ADGRV1: variants seen among roughly 807,000 people sequenced by gnomAD.
ADGRV1 encodes the protein G-protein coupled receptor 98.
ADGRV1 carries 359 observed loss-of-function variants against 596.2 expected under a neutral mutation model. That is an observed-to-expected ratio of 0.60 (90% confidence interval 0.55 to 0.66). The LOEUF (loss-of-function observed/expected upper bound fraction) is 0.66, where lower values mean the gene tolerates loss of function less well. Among genes scored for constraint, ADGRV1 ranks in the 30% least tolerant of loss-of-function variants. The pLI is 0.00. For synonymous variants in ADGRV1, 2,681 were observed against 2,679.2 expected, an observed-to-expected ratio of 1.00 and a Z score of -0.02; for missense variants, 7,274 against 7,575.6, an observed-to-expected ratio of 0.96 and a Z score of 1.48.
chr5:90,645,934 T>C (rs778461995), intron 15 of ADGRV1, 34 bp from the exon 16 acceptor site: 6 of 1,538,330 alleles, frequency 3.9e-6, no homozygotes, highest in African/African-American at 2.8e-5. Context: ...TATGTATAAG[T>C]CACCTGACTT....
In ADGRV1 at chr5:90,619,131, G is replaced by A. The variant is rs1475422859; in HGVS notation, c.403G>A (p.Val135Met). ...GCTTGGATGGCCAAGGACTGTTACTGTGACAATATTATCAAATGACAATGC... is the reference window on the plus strand; with the variant it reads ...GCTTGGATGGCCAAGGACTGTTACTATGACAATATTATCAAATGACAATGC... ...VKLGWPRTVT[V>M]TILSNDNAFG... Residue 135 changes from valine (V) to methionine (M), a missense_variant, in exon 4 of 90, where the codon GTG (valine) becomes ATG (methionine). Transcript: ENST00000405460. 6.6e-7 allele frequency: 1 copy of A among 1,509,958 alleles called. No homozygotes were observed. The highest frequency in any genetic ancestry group is 8.9e-7 in the Non-Finnish European group (1 of 1,125,474). The allele number at this position is 1,509,958 out of a possible 1,614,324, so 93.5% of individuals were successfully genotyped here. A position where few individuals can be genotyped will look rare whatever the true frequency, so the allele number is the denominator to read the frequency against.
chr5:90,974,683 T>G (rs966182499), intron 84 of ADGRV1, among the ~76,000 whole-genome samples: 2 of 152,154 alleles, frequency 1.3e-5, no homozygotes, highest in Admixed American at 1.3e-4. Flanking sequence ...TCCTTACACC[T>G]TATACAAAAA....
intron 85 of ADGRV1, among the ~76,000 whole-genome samples, chr5:91,051,840 T>A (rs551077695): frequency 3.7e-4 from 57 of 152,250 alleles, no homozygotes; most frequent in African/African-American, 1.4e-3. Flanking sequence ...GCATCCTTGT[T>A]TATGTAAGTG....
intron 86 of ADGRV1, among the ~76,000 whole-genome samples, chr5:91,081,949 C>T (rs1789425022): frequency 6.6e-6 from 1 of 152,158 alleles, no homozygotes; most frequent in African/African-American, 2.4e-5. Context: ...TTCACTGTTG[C>T]TTGCTGAGTT....
At chr5:90,890,176 T>C (rs1480734548) in intron 83 of ADGRV1, among the ~76,000 whole-genome samples, 1 of 152,202 alleles carries the variant, frequency 6.6e-6, no homozygotes, top group Non-Finnish European at 1.5e-5. Flanking sequence ...AGGGTGACTT[T>C]AGTTATTACA....
intron 76 of ADGRV1, among the ~76,000 whole-genome samples, chr5:90,825,299 A>G (rs1451599225): frequency 1.3e-5 from 2 of 152,172 alleles, no homozygotes; most frequent in African/African-American, 2.4e-5. Flanking sequence ...GATGCCTCCC[A>G]TGAAACCTCT....
intron 84 of ADGRV1, among the ~76,000 whole-genome samples, chr5:90,983,716 A>G (rs1222932707): frequency 6.6e-6 from 1 of 152,232 alleles, no homozygotes; most frequent in Non-Finnish European, 1.5e-5. Flanking sequence ...ACAAAGTTAC[A>G]TAAGCAACAA....
intron 10 of ADGRV1, among the ~76,000 whole-genome samples, chr5:90,636,181 G>A (rs1211916795): frequency 6.6e-6 from 1 of 151,782 alleles, no homozygotes; most frequent in African/African-American, 2.4e-5. Flanking sequence ...ACATGCCCTG[G>A]TTGAATTTTT....
At chr5:90,686,676 C>A (rs1264118426) in intron 29 of ADGRV1, among the ~76,000 whole-genome samples, 1 of 152,082 alleles carries the variant, frequency 6.6e-6, no homozygotes, top group Non-Finnish European at 1.5e-5. Context: ...AATAAACATA[C>A]GTGTGCATGT....
At chr5:91,066,546 A>C (rs1351134735) in intron 85 of ADGRV1, among the ~76,000 whole-genome samples, 12 of 152,210 alleles carry the variant, frequency 7.9e-5, no homozygotes, top group Non-Finnish European at 1.5e-5. Context: ...CTTTAAAAGA[A>C]GAGTTAAAAG....
intron 77 of ADGRV1, among the ~76,000 whole-genome samples, chr5:90,835,754 T>A (rs1046594635): frequency 1.3e-5 from 2 of 152,120 alleles, no homozygotes; most frequent in African/African-American, 2.4e-5. Flanking sequence ...CTATATCCAG[T>A]GAACATATCT....
intron 1 of ADGRV1, among the ~76,000 whole-genome samples, chr5:90,614,043 A>G (rs1426037544): frequency 6.6e-6 from 1 of 152,076 alleles, no homozygotes; most frequent in Non-Finnish European, 1.5e-5. Flanking sequence ...ACATTACAAA[A>G]CAGCAGCACT....
rs544604600 is a variant in ADGRV1 at position 90,971,049 on chromosome 5, G to A, written c.17973+5518G>A. Among the ~76,000 whole-genome samples the A allele has an allele frequency of 3.3e-5, 5 of 152,274 alleles. No homozygotes were observed. In the South Asian group the frequency reaches 1.0e-3, roughly 32 times the overall value. On this transcript the variant is annotated intron_variant, in intron 84 of 89. Coordinates refer to ENST00000405460, the MANE Select transcript of ADGRV1 (RefSeq NM_032119.4). ...CTGAAAACCATGGCACAAGAACTAC[G>A]TGATGAATGCACAAGCCTCCGTAGC...
In ADGRV1 at chr5:90,643,898, T is replaced by C. The variant is rs1404627203; in HGVS notation, c.2649T>C (p.Asn883=). Reference sequence around the variant, plus strand: ...TTGTCAATATAACGATTCTGAAAAATGATGATCCTCATGGCATTATAGAAT... The same window carrying C: ...TTGTCAATATAACGATTCTGAAAAACGATGATCCTCATGGCATTATAGAAT... ...ATIVNITILK[N]DDPHGIIEFV... is the part of the protein sequence containing the mutation. The change falls in exon 14 of 90, where the codon AAT becomes AAC. Residue 883 remains asparagine, a synonymous_variant. Coordinates refer to ENST00000405460, the MANE Select transcript of ADGRV1 (RefSeq NM_032119.4). 1.9e-6 allele frequency: 3 copies of C among 1,612,228 alleles called. No homozygotes were observed. Among genetic ancestry groups the C allele is most frequent in the Non-Finnish European group, 2.5e-6 (3 of 1,178,980 alleles).
chr5:90,646,157 TGC>T, intron 16 of ADGRV1, 66 bp downstream of exon 16: 7 of 1,136,368 alleles, frequency 6.2e-6, no homozygotes, highest in Non-Finnish European at 8.3e-6. Context: ...AATGTATATA[TGC>T]ACGTGCATAT....
chr5:90,593,833 T>C (rs62375073), intron 1 of ADGRV1, among the ~76,000 whole-genome samples: 19,308 of 152,106 alleles, frequency 0.13, 1,587 homozygotes, highest in Non-Finnish European at 0.18. Flanking sequence ...TTTATCAAAT[T>C]AGCAAATTCT....
intron 84 of ADGRV1, among the ~76,000 whole-genome samples, chr5:90,984,958 G>A (rs995132080): frequency 2.1e-4 from 32 of 152,136 alleles, no homozygotes; most frequent in African/African-American, 7.5e-4. Flanking sequence ...TGAAAATATA[G>A]GGCTTTTTAT....
chr5:90,665,731 G>C (rs1384339610), intron 21 of ADGRV1, among the ~76,000 whole-genome samples: 1 of 149,138 alleles, frequency 6.7e-6, no homozygotes, highest in Non-Finnish European at 1.5e-5. Context: ...GATCTTTCCT[G>C]CTTTCTCTTG....
intron 50 of ADGRV1, among the ~76,000 whole-genome samples, chr5:90,732,257 A>C (rs1752651594): frequency 6.6e-6 from 1 of 152,086 alleles, no homozygotes; most frequent in Non-Finnish European, 1.5e-5. Context: ...TCCTGCCTCA[A>C]AGTGCTGGGA....
Sources: gnomAD v4.1 joint callset for allele counts (sites outside exome capture counted in the v4.1 genomes callset) on GRCh38, gnomAD v4.1.1 for gene constraint, MANE v1.5 for transcripts, NCBI Gene and HGNC (gene_info 2026-07-23, HGNC 2026-07-21) for gene names.